STAU2: variants seen among roughly 807,000 people sequenced by gnomAD.
The protein encoded by STAU2 is double-stranded RNA-binding protein Staufen homolog 2.
A neutral mutation model predicts 65.9 loss-of-function variants in STAU2; 20 were observed. The ratio of observed to expected loss-of-function variants is 0.30; its 90% CI spans 0.21 to 0.44. STAU2 has a LOEUF of 0.44. Ranked by LOEUF, STAU2 falls within the 20% of genes least tolerant of loss-of-function variation. STAU2 has a pLI of 1.00. For missense variants in STAU2, 558 were observed against 683.9 expected (o/e 0.82, Z 2.05); for synonymous variants, 232 against 233.9 (o/e 0.99, Z 0.07).
At chr8:73,739,602 A>C (rs76215508) in intron 2 of STAU2, among the ~76,000 whole-genome samples, 154 bp downstream of exon 2, 1,886 of 152,334 alleles carry the variant, frequency 0.012, 35 homozygotes, top group African/African-American at 0.043. Context: ...GAAAACTTTA[A>C]TATTTTTCTT....
chr8:73,569,178 G>C (rs1808849652), intron 12 of STAU2, among the ~76,000 whole-genome samples: 1 of 152,108 alleles, frequency 6.6e-6, no homozygotes, highest in Non-Finnish European at 1.5e-5. Context: ...GCCTGGCTCA[G>C]AGGGTCCCAT....
intron 13 of STAU2, among the ~76,000 whole-genome samples, chr8:73,519,158 G>A (rs1822904125): frequency 6.6e-6 from 1 of 152,170 alleles, no homozygotes; most frequent in Non-Finnish European, 1.5e-5. Context: ...GACGTACAGA[G>A]CAAGCAAAGC....
rs35721754 is a variant in STAU2, at chr8:73,721,287, C to CAAAAA, written c.-17-12130_-17-12126dup. ...CGTGAACAAAGCAAAACCCCACCTCCAAAAAAAAAAAAAAAAAAAAAAAAA... is the reference window on the plus strand; with the variant it reads ...CGTGAACAAAGCAAAACCCCACCTCCAAAAAAAAAAAAAAAAAAAAAAAAAAAAAA... On this transcript the variant is annotated intron_variant, in intron 3 of 14. Transcript: ENST00000524300. Among the ~76,000 whole-genome samples the CAAAAA allele has an allele frequency of 3.2e-4, 4 of 12,464 alleles. 1 individual carries two copies. The highest frequency in any genetic ancestry group is 1.4e-3 in the African/African-American group (4 of 2,772). 8.2% of individuals were successfully genotyped at this position (12,464 alleles called of 152,430 possible).
At chr8:73,625,581 T>C (rs923001869) in intron 6 of STAU2, among the ~76,000 whole-genome samples, 6 of 152,170 alleles carry the variant, frequency 3.9e-5, no homozygotes, top group African/African-American at 1.4e-4. Context: ...TTAACAGGTA[T>C]GGGGTTTCTT....
chr8:73,604,320 C>A (rs962224278), intron 9 of STAU2, among the ~76,000 whole-genome samples: 3 of 152,130 alleles, frequency 2.0e-5, no homozygotes, highest in African/African-American at 7.2e-5. Flanking sequence ...ACTCCACCTG[C>A]CGGGTTCAAG....
chr8:73,443,445 C>T (rs887062378), intron 13 of STAU2, among the ~76,000 whole-genome samples: 1 of 152,150 alleles, frequency 6.6e-6, no homozygotes, highest in African/African-American at 2.4e-5. Context: ...TAGAAAGCAA[C>T]AAGGCAATAT....
At chr8:73,469,739 T>C (rs112810475) in intron 13 of STAU2, among the ~76,000 whole-genome samples, 4,541 of 151,934 alleles carry the variant, frequency 0.03, 85 homozygotes, top group Non-Finnish European at 0.05. Flanking sequence ...GGATAAGAAC[T>C]CACAAAAAAA....
intron 3 of STAU2, among the ~76,000 whole-genome samples, chr8:73,735,113 T>C (rs1806342540): frequency 6.6e-6 from 1 of 152,146 alleles, no homozygotes; most frequent in South Asian, 2.1e-4. Context: ...TTATTTTTTG[T>C]AGAGACAGGG....
intron 13 of STAU2, among the ~76,000 whole-genome samples, chr8:73,498,812 G>A (rs1294495231): frequency 6.6e-6 from 1 of 151,802 alleles, no homozygotes; most frequent in African/African-American, 2.4e-5. Context: ...CATAAACATT[G>A]AGCAGCTAAG....
intron 13 of STAU2, among the ~76,000 whole-genome samples, chr8:73,448,204 A>G (rs1210093990): frequency 1.3e-5 from 2 of 152,232 alleles, no homozygotes; most frequent in South Asian, 2.1e-4. Context: ...AAATGTTGGC[A>G]TAATCATATT....
At chr8:73,441,503 A>C (rs1027151898) in intron 13 of STAU2, 1 of 152,222 alleles carries the variant, frequency 6.6e-6, no homozygotes, top group Admixed American at 6.5e-5. Flanking sequence ...GAAAGAAAGA[A>C]AGTAAGTTCC....
intron 13 of STAU2, among the ~76,000 whole-genome samples, chr8:73,466,763 T>TA (rs1396218454): frequency 6.6e-5 from 10 of 152,234 alleles, no homozygotes; most frequent in Admixed American, 2.0e-4. Flanking sequence ...TGACTTCCTG[T>TA]AAGCCCTCCA....
At chr8:73,545,403 T>C (rs541775402) in intron 13 of STAU2, among the ~76,000 whole-genome samples, 46 of 152,144 alleles carry the variant, frequency 3.0e-4, no homozygotes, top group African/African-American at 1.0e-3. Flanking sequence ...AATTTGGAAG[T>C]TTTTCAAGTA....
intron 13 of STAU2, among the ~76,000 whole-genome samples, chr8:73,485,134 C>A (rs1019692693): frequency 7.4e-6 from 1 of 135,520 alleles, no homozygotes; most frequent in Admixed American, 8.4e-5. Flanking sequence ...AGAACTACAT[C>A]CTTACTCTTT....
intron 6 of STAU2, among the ~76,000 whole-genome samples, chr8:73,635,642 T>C (rs922269792): frequency 1.3e-5 from 2 of 151,920 alleles, no homozygotes; most frequent in African/African-American, 2.4e-5. Flanking sequence ...CTGGCCAATA[T>C]GGTGAAACCC....
At chr8:73,696,981 A>G (rs1434747118) in intron 4 of STAU2, among the ~76,000 whole-genome samples, 1 of 152,230 alleles carries the variant, frequency 6.6e-6, no homozygotes, top group Non-Finnish European at 1.5e-5. Context: ...TCCTAAAAAC[A>G]GCCAGAAAAA....
intron 12 of STAU2, among the ~76,000 whole-genome samples, chr8:73,566,097 T>C (rs1221474538): frequency 6.6e-6 from 1 of 152,224 alleles, no homozygotes; most frequent in African/African-American, 2.4e-5. Flanking sequence ...GCAGCAGATA[T>C]TCTCCTTATC....
intron 9 of STAU2, among the ~76,000 whole-genome samples, chr8:73,609,581 G>A (rs1410910957): frequency 6.6e-6 from 1 of 152,064 alleles, no homozygotes; most frequent in African/African-American, 2.4e-5. Context: ...TTGAACCCAG[G>A]AGGTGGAGGT....
At chr8:73,738,884 T>C (rs928256422) in intron 2 of STAU2, among the ~76,000 whole-genome samples, 1 of 152,350 alleles carries the variant, frequency 6.6e-6, no homozygotes, top group African/African-American at 2.4e-5. Flanking sequence ...AGTACAATTA[T>C]CTTGCTGAAT....
Sources: gnomAD v4.1 joint callset for allele counts (sites outside exome capture counted in the v4.1 genomes callset) on GRCh38, gnomAD v4.1.1 for gene constraint, MANE v1.5 for transcripts, NCBI Gene and HGNC (gene_info 2026-07-23, HGNC 2026-07-21) for gene names.